The following GIN1 variants were observed in gnomAD, a reference collection of about 807,000 sequenced individuals.
GIN1 encodes gypsy retrotransposon integrase-like protein 1.
Under a neutral mutation model 51.4 loss-of-function variants are expected in GIN1, and 41 were observed. The ratio of observed to expected loss-of-function variants is 0.80; its 90% CI spans 0.62 to 1.04. The LOEUF (loss-of-function observed/expected upper bound fraction) is 1.04. Ranked by LOEUF, GIN1 falls within the 50% of genes least tolerant of loss-of-function variation. The pLI, the probability that GIN1 is intolerant of heterozygous loss-of-function variation, is 0.00. For missense variants in GIN1, 610 were observed against 612.4 expected (o/e 1.00, Z 0.04); for synonymous variants, 222 against 206.5 (o/e 1.07, Z -0.64).
chr5:103,114,950 T>C (rs896505345), intron 1 of GIN1, among the ~76,000 whole-genome samples: 5 of 152,062 alleles, frequency 3.3e-5, no homozygotes, highest in African/African-American at 1.2e-4. Flanking sequence ...GTATACAGTA[T>C]AGTTACAGTA....
chr5:103,099,628 T>C (rs1159124202), intron 4 of GIN1, among the ~76,000 whole-genome samples: 1 of 152,158 alleles, frequency 6.6e-6, no homozygotes. Context: ...GGGAATCCAT[T>C]TGTGAAATGG....
rs1364328676 is a variant in GIN1, at chr5:103,087,245, G to C, written c.*653C>G. The C allele has an allele frequency of 6.6e-6, 1 of 152,190 alleles. No individual in the cohort carries two copies. Among genetic ancestry groups the C allele is most frequent in the Non-Finnish European group, 1.5e-5 (1 of 68,068 alleles). 9.4% of individuals were successfully genotyped at this position (152,190 alleles called of 1,614,324 possible). On this transcript the variant is annotated 3_prime_UTR_variant, in exon 8 of 8. Coordinates refer to ENST00000399004, the MANE Select transcript of GIN1 (RefSeq NM_017676.2). Reference sequence around the variant, plus strand: ...CCTGCCTTGGCTTCCCAAAGCGCTGGGATTACAGGTGTGGGCCACCATGCC... The same window carrying C: ...CCTGCCTTGGCTTCCCAAAGCGCTGCGATTACAGGTGTGGGCCACCATGCC...
Position 103,096,770 on chromosome 5 carries a change from T to C in GIN1, c.1065A>G (p.Lys355=), listed in dbSNP as rs1562327552. ...LNKSKIIVKK[K]PKQLNPFHLK... ...AATGAAATGGATTTAATTGTTTGGG[T>C]TTCTTTTTAACAATGATCTTGCTTT... The change falls in exon 7 of 8, where the codon AAA becomes AAG. Residue 355 remains lysine (K), a synonymous_variant. Transcript: ENST00000399004. 1 of 1,609,356 alleles carries C rather than the reference T, an allele frequency of 6.2e-7. No individual in the cohort carries two copies. Among genetic ancestry groups the C allele is most frequent in the Non-Finnish European group, 8.5e-7 (1 of 1,175,750 alleles).
chr5:103,097,565 T>A (rs1392996080), intron 5 of GIN1, 25 bp downstream of exon 5: 4 of 1,534,458 alleles, frequency 2.6e-6, no homozygotes, highest in Non-Finnish European at 3.6e-6. Flanking sequence ...AACTCAGAAG[T>A]ACAGAATTAT....
chr5:103,096,898 G>T, intron 6 of GIN1, 72 bp from the exon 7 acceptor site: 1 of 925,262 alleles, frequency 1.1e-6, no homozygotes, highest in South Asian at 1.6e-5. Flanking sequence ...TGCAAATAAT[G>T]AGAATATTGT....
chr5:103,120,049 A>T lies in GIN1; in HGVS notation c.-8+15T>A, dbSNP rs1290361965. Reference sequence around the variant, plus strand: ...AACAGTAGGTATGACACAGCACACCAGAACGACCACTCACCGAGGTGGTCC... The same window carrying T: ...AACAGTAGGTATGACACAGCACACCTGAACGACCACTCACCGAGGTGGTCC... On this transcript the variant is annotated intron_variant, in intron 1 of 7. Coordinates refer to ENST00000399004, the MANE Select transcript of GIN1 (RefSeq NM_017676.2). The T allele has an allele frequency of 5.5e-6, 1 of 182,998 alleles. No individual in the cohort carries two copies. Among genetic ancestry groups the T allele is most frequent in the Non-Finnish European group, 1.2e-5 (1 of 83,282 alleles). 11.3% of individuals were successfully genotyped at this position (182,998 alleles called of 1,614,324 possible).
chr5:103,102,176 T>C (rs1264745080), intron 4 of GIN1: 7 of 152,352 alleles, frequency 4.6e-5, no homozygotes, highest in African/African-American at 1.7e-4. Flanking sequence ...ATTCTTTTAA[T>C]TTACCTGAAA....
intron 1 of GIN1, among the ~76,000 whole-genome samples, chr5:103,116,009 G>A (rs1554197347): frequency 6.6e-6 from 1 of 152,080 alleles, no homozygotes; most frequent in Non-Finnish European, 1.5e-5. Flanking sequence ...CAGAAAGCTG[G>A]AGTAACTCCC....
At chr5:103,114,111 T>G (rs1787961240) in intron 1 of GIN1, among the ~76,000 whole-genome samples, 1 of 152,192 alleles carries the variant, frequency 6.6e-6, no homozygotes, top group South Asian at 2.1e-4. Flanking sequence ...CAGCCCCTCA[T>G]CATATTTCAA....
chr5:103,109,359 A>C (rs1787812059), intron 1 of GIN1, among the ~76,000 whole-genome samples: 2 of 152,132 alleles, frequency 1.3e-5, no homozygotes, highest in Non-Finnish European at 2.9e-5. Context: ...ACATTTAAAA[A>C]AAGATGTTTA....
intron 3 of GIN1, 130 bp from the exon 4 acceptor site, chr5:103,104,976 G>A (rs1437708824): frequency 2.0e-5 from 12 of 600,942 alleles, no homozygotes; most frequent in Non-Finnish European, 3.2e-5. Flanking sequence ...AGAAACTTCT[G>A]GACTGAGAAT....
At chr5:103,098,773 T>C (rs1220353171) in intron 4 of GIN1, among the ~76,000 whole-genome samples, 1 of 152,190 alleles carries the variant, frequency 6.6e-6, no homozygotes, top group East Asian at 1.9e-4. Flanking sequence ...AGTAACTTTT[T>C]AATTCAGTAG....
chr5:103,104,052 C>A (rs1787650898), intron 4 of GIN1, among the ~76,000 whole-genome samples: 1 of 152,130 alleles, frequency 6.6e-6, no homozygotes, highest in African/African-American at 2.4e-5. Context: ...CTCCCAGGTT[C>A]AAGTGATTCT....
In GIN1 at chr5:103,108,745, A is replaced by G. The variant is rs782453881; in HGVS notation, c.-7-31T>C. Reference sequence around the variant, plus strand: ...TAAAAGGTATTTAAAAAGATAACTTAAATTTTAAGCTAACTGAATTGCTAT... The same window carrying G: ...TAAAAGGTATTTAAAAAGATAACTTGAATTTTAAGCTAACTGAATTGCTAT... On this transcript the variant is annotated intron_variant, in intron 1 of 7. Coordinates refer to ENST00000399004, the MANE Select transcript of GIN1 (RefSeq NM_017676.2). The G allele has an allele frequency of 1.9e-5, 28 of 1,453,716 alleles. No individual in the cohort carries two copies. The Admixed American group carries it at 5.1e-4, about 27-fold the overall frequency. The allele number at this position is 1,453,716 out of a possible 1,614,324, so 90.1% of individuals were successfully genotyped here.
In GIN1 at chr5:103,086,814, T is replaced by C. The variant is rs1220933715; in HGVS notation, c.*1084A>G. On this transcript the variant is annotated 3_prime_UTR_variant, in exon 8 of 8. Transcript: ENST00000399004. ...AAGAATGAGGTACACGTTTGACTCA[T>C]CTTTTACTTTTCCCACAGTTCTTTT... is the stretch of plus-strand genomic sequence containing the variant. The C allele has an allele frequency of 6.6e-6, 1 of 152,232 alleles. No homozygotes were observed. Among genetic ancestry groups the C allele is most frequent in the Non-Finnish European group, 1.5e-5 (1 of 68,044 alleles). 9.4% of individuals were successfully genotyped at this position (152,232 alleles called of 1,614,324 possible).
chr5:103,091,253 T>TTA (rs1396624035), intron 7 of GIN1, among the ~76,000 whole-genome samples: 1 of 152,150 alleles, frequency 6.6e-6, no homozygotes, highest in Non-Finnish European at 1.5e-5. Context: ...ATAAAATATA[T>TTA]TATTAAGGTT....
intron 6 of GIN1, among the ~76,000 whole-genome samples, 194 bp downstream of exon 6, chr5:103,097,120 A>G (rs1212166339): frequency 6.6e-6 from 1 of 152,216 alleles, no homozygotes; most frequent in African/African-American, 2.4e-5. Flanking sequence ...TAGCTTTCTC[A>G]TTATTGCCTC....
intron 4 of GIN1, 64 bp downstream of exon 4, chr5:103,104,477 C>T: frequency 1.3e-6 from 1 of 758,520 alleles, no homozygotes; most frequent in South Asian, 1.8e-5. Flanking sequence ...GCAGAGGGCA[C>T]TGGTTCTGGA....
intron 4 of GIN1, among the ~76,000 whole-genome samples, chr5:103,103,926 A>G (rs977532608): frequency 3.9e-5 from 6 of 152,006 alleles, no homozygotes; most frequent in Admixed American, 6.6e-5. Context: ...AGTAGCTGGG[A>G]CCACAGGTGT....
Sources: allele counts gnomAD v4.1 joint callset (sites outside exome capture counted in the v4.1 genomes callset), GRCh38; gene constraint gnomAD v4.1.1; transcripts MANE v1.5; gene names NCBI Gene and HGNC (gene_info 2026-07-23, HGNC 2026-07-21).